The following TENM4 variants were observed in gnomAD, a reference collection of about 807,000 sequenced individuals.
The protein encoded by TENM4 is teneurin-4.
TENM4 carries 82 observed loss-of-function variants against 243.3 expected under a neutral mutation model. The observed-to-expected ratio is 0.34, with a 90% CI of 0.28 to 0.40. The LOEUF (loss-of-function observed/expected upper bound fraction) is 0.40, where lower values mean the gene tolerates loss of function less well. Among genes scored for constraint, TENM4 ranks in the 10% least tolerant of loss-of-function variants. TENM4 has a pLI of 1.00. For synonymous variants in TENM4, 1,412 were observed against 1,456.3 expected, an observed-to-expected ratio of 0.97 and a Z score of 0.69; for missense variants, 3,138 against 3,673.3, an observed-to-expected ratio of 0.85 and a Z score of 3.77.
intron 6 of TENM4, among the ~76,000 whole-genome samples, chr11:78,998,544 G>A (rs188618709): frequency 1.7e-4 from 26 of 152,294 alleles, no homozygotes; most frequent in Admixed American, 6.5e-4. Context: ...AATGATCTCC[G>A]AAGTGATTAT....
At chr11:79,176,115 C>T (rs1244493964) in intron 3 of TENM4, among the ~76,000 whole-genome samples, 1 of 152,032 alleles carries the variant, frequency 6.6e-6, no homozygotes, top group African/African-American at 2.4e-5. Context: ...AAATAAATCA[C>T]CCAACCAAGT....
At chr11:79,376,680 G>A (rs1857898571) in intron 1 of TENM4, among the ~76,000 whole-genome samples, 2 of 152,192 alleles carry the variant, frequency 1.3e-5, no homozygotes, top group African/African-American at 4.8e-5. Context: ...TTTAATTCTT[G>A]TTAGAAGCTG....
chr11:79,249,920 T>C (rs982088922), intron 2 of TENM4, among the ~76,000 whole-genome samples: 1 of 152,232 alleles, frequency 6.6e-6, no homozygotes, highest in African/African-American at 2.4e-5. Flanking sequence ...GCATTACTCA[T>C]TTATTACGTA....
chr11:79,302,797 C>T (rs554982214), intron 1 of TENM4, among the ~76,000 whole-genome samples: 15 of 152,302 alleles, frequency 9.8e-5, no homozygotes, highest in South Asian at 2.1e-4. Context: ...GATCAGGCTG[C>T]GGTGTAGAGC....
At chr11:79,258,903 C>T (rs770715093) in intron 2 of TENM4, among the ~76,000 whole-genome samples, 8 of 152,178 alleles carry the variant, frequency 5.3e-5, no homozygotes, top group African/African-American at 7.2e-5. Context: ...AAAACATGCC[C>T]GAGATGAGCA....
At chr11:79,356,299 A>T (rs978519601) in intron 1 of TENM4, among the ~76,000 whole-genome samples, 1 of 152,164 alleles carries the variant, frequency 6.6e-6, no homozygotes, top group South Asian at 2.1e-4. Context: ...GCAAGTGACA[A>T]CCTTCTCCTC....
chr11:79,286,163 T>C (rs1285663366), intron 2 of TENM4, among the ~76,000 whole-genome samples: 1 of 152,178 alleles, frequency 6.6e-6, no homozygotes, highest in Non-Finnish European at 1.5e-5. Flanking sequence ...ATTTCTGTTT[T>C]CTTTTATTAT....
At chr11:78,906,468 A>G (rs914430754) in intron 6 of TENM4, among the ~76,000 whole-genome samples, 1 of 152,226 alleles carries the variant, frequency 6.6e-6, no homozygotes, top group Admixed American at 6.5e-5. Flanking sequence ...TAATGGGGAC[A>G]CCAGGCTCTG....
chr11:79,394,083 C>A (rs1485087666), intron 1 of TENM4, among the ~76,000 whole-genome samples: 1 of 152,204 alleles, frequency 6.6e-6, no homozygotes, highest in South Asian at 2.1e-4. Context: ...GAATTCAACA[C>A]CTCACCTGCG....
intron 1 of TENM4, among the ~76,000 whole-genome samples, chr11:79,380,852 A>C (rs11237816): frequency 0.082 from 12,560 of 152,256 alleles, 550 homozygotes; most frequent in Non-Finnish European, 0.11. Context: ...ACCAAGCCAG[A>C]AGCTTTGTAA....
chr11:79,198,427 T>C (rs891702663), intron 3 of TENM4, among the ~76,000 whole-genome samples: 8 of 152,192 alleles, frequency 5.3e-5, no homozygotes, highest in African/African-American at 9.6e-5. Context: ...CGCCAGGTGA[T>C]TCTAATGAGC....
chr11:78,982,163 C>T (rs1398600829), intron 6 of TENM4, among the ~76,000 whole-genome samples: 2 of 152,152 alleles, frequency 1.3e-5, no homozygotes, highest in Non-Finnish European at 2.9e-5. Flanking sequence ...CAAGGAAATG[C>T]CACTTGCCTT....
intron 6 of TENM4, among the ~76,000 whole-genome samples, chr11:78,913,580 G>GGTGTGT (rs1403545697): frequency 9.5e-5 from 12 of 126,462 alleles, no homozygotes; most frequent in African/African-American, 3.2e-4. Flanking sequence ...ATGGGTAAGA[G>GGTGTGT]GTATGTGTGT....
intron 19 of TENM4, among the ~76,000 whole-genome samples, chr11:78,752,653 A>G (rs1349574411): frequency 1.3e-5 from 2 of 152,206 alleles, no homozygotes; most frequent in Non-Finnish European, 2.9e-5. Flanking sequence ...ATTGTCATAC[A>G]CAGGCACCAA....
At chr11:79,343,176 G>C (rs1207934978) in intron 1 of TENM4, among the ~76,000 whole-genome samples, 2 of 152,252 alleles carry the variant, frequency 1.3e-5, no homozygotes, top group Non-Finnish European at 2.9e-5. Flanking sequence ...CCCTGGAAGA[G>C]GGAGAAGAGA....
At chr11:78,863,260 A>G (rs1457505861) in intron 9 of TENM4, 128 bp from the exon 10 acceptor site, 4 of 1,074,246 alleles carry the variant, frequency 3.7e-6, no homozygotes, top group Non-Finnish European at 3.8e-6. Flanking sequence ...AGTAGCCCCA[A>G]AAGGAAGCTC....
chr11:78,670,488 G>A lies in TENM4; in HGVS notation c.5857C>T (p.Leu1953Phe). 2 of 1,613,882 alleles carry A rather than the reference G, an allele frequency of 1.2e-6. No homozygotes were observed. Among genetic ancestry groups the A allele is most frequent in the Non-Finnish European group, 1.7e-6 (2 of 1,179,872 alleles). Residue 1953 changes from leucine (L) to phenylalanine (F), a missense_variant, in exon 32 of 34, where the codon CTC becomes TTC. Transcript: ENST00000278550. The stretch of plus-strand genomic sequence containing the variant: ...ACGTTGGGCATCGTCACAGAAGAGA[G>A]GCGGTCATTCTTGTCGAACTCAAAG... ...YIFEFDKNDR[L>F]SSVTMPNVAR...
chr11:79,425,784 C>T (rs954281667), intron 1 of TENM4, among the ~76,000 whole-genome samples: 1 of 152,152 alleles, frequency 6.6e-6, no homozygotes, highest in Non-Finnish European at 1.5e-5. Context: ...TGCCTGCCTG[C>T]CTCTGGGGTC....
Position 79,064,228 on chromosome 11 carries a change from G to C in TENM4, c.493+510C>G, listed in dbSNP as rs537644118. On this transcript the variant is annotated intron_variant, in intron 6 of 33. Coordinates refer to ENST00000278550, the MANE Select transcript of TENM4 (RefSeq NM_001098816.3). ...TCCTAACTGAAACGCTGTACCCTTT[G>C]ACAACATCTTCCCTAAACCTCAAGT... Among the ~76,000 whole-genome samples the C allele has an allele frequency of 3.3e-5, 5 of 152,262 alleles. No homozygotes were observed. In the South Asian group the frequency reaches 1.0e-3, roughly 32 times the overall value.
Sources: allele counts gnomAD v4.1 joint callset (sites outside exome capture counted in the v4.1 genomes callset), GRCh38; gene constraint gnomAD v4.1.1; transcripts MANE v1.5; gene names NCBI Gene and HGNC (gene_info 2026-07-23, HGNC 2026-07-21).